Variants in VPS26C observed in about 807,000 individuals in gnomAD.
VPS26C encodes the protein vacuolar protein sorting-associated protein 26C.
In VPS26C, 19 loss-of-function variants were observed where a neutral mutation model predicts 30.6. The observed-to-expected ratio is 0.62, with a 90% CI of 0.43 to 0.91. The LOEUF is 0.91. Among genes scored for constraint, VPS26C ranks in the 40% least tolerant of loss-of-function variants. The probability of loss-of-function intolerance (pLI) is 0.00; values close to 1 mark genes in which losing one functional copy is unlikely to be tolerated. For synonymous variants in VPS26C, 132 were observed against 151.5 expected, an observed-to-expected ratio of 0.87 and a Z score of 0.95; for missense variants, 318 against 385.1, an observed-to-expected ratio of 0.83 and a Z score of 1.46.
chr21:37,241,778 C>T (rs530283117), intron 1 of VPS26C, among the ~76,000 whole-genome samples: 9 of 152,154 alleles, frequency 5.9e-5, no homozygotes, highest in South Asian at 2.1e-4. Flanking sequence ...GCTGTGACTA[C>T]GCTACTGCAT....
intron 1 of VPS26C, among the ~76,000 whole-genome samples, chr21:37,251,132 T>C (rs1379447522): frequency 6.6e-6 from 1 of 152,196 alleles, no homozygotes. Flanking sequence ...CTTCTCTGCA[T>C]TGCTGGGGAT....
chr21:37,237,034 G>A (rs940145430), intron 3 of VPS26C, among the ~76,000 whole-genome samples: 3 of 152,170 alleles, frequency 2.0e-5, no homozygotes, highest in African/African-American at 7.2e-5. Flanking sequence ...TCCTGCCATG[G>A]CCTCCCAAAG....
At chr21:37,254,129 G>A (rs374976443) in intron 1 of VPS26C, among the ~76,000 whole-genome samples, 8 of 152,218 alleles carry the variant, frequency 5.3e-5, no homozygotes, top group Middle Eastern at 3.4e-3. Flanking sequence ...CAGGGAGTCC[G>A]CCAAAGAAAA....
At chr21:37,244,983 C>T (rs937073375) in intron 1 of VPS26C, among the ~76,000 whole-genome samples, 2 of 152,238 alleles carry the variant, frequency 1.3e-5, no homozygotes, top group Non-Finnish European at 2.9e-5. Flanking sequence ...TGCAAACGCC[C>T]TGCAGCTGGT....
chr21:37,251,468 A>T lies in VPS26C; in HGVS notation c.58-10829T>A, dbSNP rs116705585. Among the ~76,000 whole-genome samples the T allele has an allele frequency of 5.1e-3, 780 of 152,288 alleles. 6 individuals are homozygous for T. Among genetic ancestry groups the T allele is most frequent in the African/African-American group, 0.018 (738 of 41,564 alleles). On this transcript the variant is annotated intron_variant, in intron 1 of 7. Coordinates refer to ENST00000309117, the MANE Select transcript of VPS26C (RefSeq NM_006052.2). ...AGTCTACGCCCCCTCACTCCCATAC[A>T]TTCTACTTTTTTTTAAAATTTAAGC...
At chr21:37,267,479 T>G, upstream of VPS26C, 1 of 603,406 alleles carries the variant, frequency 1.7e-6, no homozygotes, top group Non-Finnish European at 3.0e-6. Flanking sequence ...CCTTCCTCCT[T>G]CCGGCACAAG....
intron 1 of VPS26C, among the ~76,000 whole-genome samples, chr21:37,254,646 A>G (rs1309914701): frequency 6.6e-6 from 1 of 152,112 alleles, no homozygotes; most frequent in East Asian, 1.9e-4. Context: ...CCCCATCTCT[A>G]CTAAAAATAC....
At chr21:37,229,383 G>A (rs1372323834) in intron 5 of VPS26C, 1 of 152,134 alleles carries the variant, frequency 6.6e-6, no homozygotes, top group African/African-American at 2.4e-5. Flanking sequence ...CCTGGCCGGT[G>A]GGCTGTGGGT....
chr21:37,263,486 G>A (rs925870227), intron 1 of VPS26C, among the ~76,000 whole-genome samples: 2 of 152,148 alleles, frequency 1.3e-5, no homozygotes, highest in African/African-American at 4.8e-5. Flanking sequence ...TGTCCAATTA[G>A]TCGGGTGAAG....
In VPS26C at chr21:37,240,440, C is replaced by T. The variant is rs1602272068; in HGVS notation, c.201+56G>A. ...GCGCCTGGCCCTGAGCCACTGCGCC[C>T]AGCCCAACATTTCAATATTGAACTA... On this transcript the variant is annotated intron_variant, in intron 2 of 7. Transcript: ENST00000309117. The T allele has an allele frequency of 5.0e-6, 8 of 1,599,578 alleles. No individual in the cohort carries two copies. In the East Asian group the frequency reaches 1.3e-4, roughly 27 times the overall value.
intron 1 of VPS26C, among the ~76,000 whole-genome samples, chr21:37,264,203 T>TA (rs1293139329): frequency 6.6e-6 from 1 of 152,270 alleles, no homozygotes; most frequent in African/African-American, 2.4e-5. Flanking sequence ...ATTTGGAAGT[T>TA]ATACTGGTTT....
chr21:37,260,137 A>G (rs548092219), intron 1 of VPS26C, among the ~76,000 whole-genome samples: 9 of 152,338 alleles, frequency 5.9e-5, no homozygotes, highest in Non-Finnish European at 1.0e-4. Context: ...TCCCCCTGGC[A>G]TGTCCCTGAA....
At chr21:37,259,408 G>A (rs1219071925) in intron 1 of VPS26C, among the ~76,000 whole-genome samples, 1 of 151,770 alleles carries the variant, frequency 6.6e-6, no homozygotes, top group Non-Finnish European at 1.5e-5. Context: ...CTATGCTGGG[G>A]AGTAAATCTC....
rs972765185 is a variant in VPS26C at position 37,257,827 on chromosome 21, C to A, written c.57+9411G>T. Among the ~76,000 whole-genome samples the A allele has an allele frequency of 6.6e-6, 1 of 152,182 alleles. No homozygotes were observed. Among genetic ancestry groups the A allele is most frequent in the Non-Finnish European group, 1.5e-5 (1 of 68,040 alleles). The stretch of plus-strand genomic sequence containing the variant: ...CGGCGGAAAGGAAAGTCGGCGTTAG[C>A]TGGATTGGAAACAGTCCAGACAGAA... On this transcript the variant is annotated intron_variant, in intron 1 of 7. Coordinates refer to ENST00000309117, the MANE Select transcript of VPS26C (RefSeq NM_006052.2). This position sits in a 1 kb window ranked among gnomAD's most constrained non-coding sequence, Gnocchi z 4.2.
chr21:37,261,462 T>A (rs2086302911), intron 1 of VPS26C: 1 of 152,194 alleles, frequency 6.6e-6, no homozygotes, highest in South Asian at 2.1e-4. Context: ...TGTCTTTTCC[T>A]GACAATTAGA....
At chr21:37,231,881 A>G (rs2085968054) in intron 5 of VPS26C, 2 of 157,918 alleles carry the variant, frequency 1.3e-5, no homozygotes, top group South Asian at 3.7e-4. Flanking sequence ...CTGTGTCCTC[A>G]CTGTACCTGC....
chr21:37,238,162 G>C, intron 3 of VPS26C: 1 of 343,390 alleles, frequency 2.9e-6, no homozygotes, highest in Non-Finnish European at 5.3e-6. Context: ...GGGCATATCT[G>C]TTACCAGACA....
intron 7 of VPS26C, chr21:37,225,871 C>A: frequency 1.8e-6 from 1 of 558,062 alleles, no homozygotes; most frequent in South Asian, 2.2e-5. Context: ...CATCTTGGAA[C>A]ATGAGTGATC....
In VPS26C at chr21:37,266,911, A is replaced by T. The variant is rs1197297725; in HGVS notation, c.57+327T>A. ...CTCCGCCCTCAGCGCTCACTGAGGG[A>T]GCTCAAGCCTGAGAACCCAACACCG... On this transcript the variant is annotated intron_variant, in intron 1 of 7. Coordinates refer to ENST00000309117, the MANE Select transcript of VPS26C (RefSeq NM_006052.2). 9.4e-6 allele frequency: 4 copies of T among 423,336 alleles called. No homozygotes were observed. The South Asian group carries it at 1.0e-4, about 11-fold the overall frequency. The allele number at this position is 423,336 out of a possible 1,614,324, so 26.2% of individuals were successfully genotyped here. A position where few individuals can be genotyped will look rare whatever the true frequency, so the allele number is the denominator to read the frequency against.
Sources: gnomAD v4.1 joint callset for allele counts (sites outside exome capture counted in the v4.1 genomes callset) on GRCh38, gnomAD v4.1.1 for gene constraint, Gnocchi (gnomAD v3.1) non-coding constraint, MANE v1.5 for transcripts, NCBI Gene and HGNC (gene_info 2026-07-23, HGNC 2026-07-21) for gene names.